Variants in TSKS observed in about 807,000 individuals in gnomAD.
The protein encoded by TSKS is testis-specific serine kinase substrate.
In TSKS, 27 loss-of-function variants were observed where a neutral mutation model predicts 68.0. The ratio of observed to expected loss-of-function variants is 0.40; its 90% CI spans 0.29 to 0.55. TSKS has a LOEUF of 0.55. Among genes scored for constraint, TSKS ranks in the 20% least tolerant of loss-of-function variants. The probability of loss-of-function intolerance (pLI) is 0.53; values close to 1 mark genes in which losing one functional copy is unlikely to be tolerated. For missense variants in TSKS, 806 were observed against 776.0 expected (o/e 1.04, Z -0.46); for synonymous variants, 331 against 340.4 (o/e 0.97, Z 0.30).
chr19:49,745,630 C>G (rs1374762877), intron 6 of TSKS, among the ~76,000 whole-genome samples: 2 of 152,086 alleles, frequency 1.3e-5, no homozygotes, highest in Non-Finnish European at 2.9e-5. Context: ...TTGGCCCTTT[C>G]CTGGTCAGGT....
In TSKS at chr19:49,748,461, G is replaced by T. The variant is rs2084322084; in HGVS notation, c.408C>A (p.Val136=). 6.2e-7 allele frequency: 1 copy of T among 1,614,054 alleles called. No individual in the cohort carries two copies. Among genetic ancestry groups the T allele is most frequent in the South Asian group, 1.1e-5 (1 of 91,058 alleles). The part of the protein sequence containing the change: ...DADITEILSG[V]NSGLVRAKDS... ...CTTTGGCGCGGACCAATCCACTGTTGACCCCACTCTGGGGAAGAATGGGAG... is the reference window on the plus strand; with the variant it reads ...CTTTGGCGCGGACCAATCCACTGTTTACCCCACTCTGGGGAAGAATGGGAG... The change falls in exon 3 of 11, where the codon GTC becomes GTA. Residue 136 remains valine, a synonymous_variant. Coordinates refer to ENST00000246801, the MANE Select transcript of TSKS (RefSeq NM_021733.2).
Position 49,762,143 on chromosome 19 carries a change from A to C in TSKS, c.260T>G (p.Leu87Arg), listed in dbSNP as rs753741841. 7 of 1,614,018 alleles carry C rather than the reference A, an allele frequency of 4.3e-6. No individual in the cohort carries two copies. The highest frequency in any genetic ancestry group is 1.7e-6 in the Non-Finnish European group (2 of 1,180,034). The change falls in exon 2 of 11, where the codon CTG becomes CGG. Residue 87 changes from leucine (L) to arginine (R), a missense_variant. Transcript: ENST00000246801. ...GGAGTCAGTGGGCTCCATGGCGGCC[A>C]GGTTGAGCAGTGACACGTTGGTGCA... ...SACTNVSLLNLAAMEPTDSTG... is the reference protein window; with the variant it reads ...SACTNVSLLNRAAMEPTDSTG...
chr19:49,748,166 G>T lies in TSKS; in HGVS notation c.498C>A (p.Ser166Arg), dbSNP rs760112063. Reference protein sequence around the residue: ...RVNQHVQSLQSECSVLSENLE... With the variant: ...RVNQHVQSLQRECSVLSENLE... ...GATTCTCGCTCAGCACAGAACACTC[G>T]CTCTGGAGCATGGAAGGAGGAGAGG... is the stretch of plus-strand genomic sequence containing the variant. The change falls in exon 4 of 11, where the codon AGC (serine) becomes AGA (arginine). Residue 166 changes from serine (S) to arginine (R), a missense_variant and splice_region_variant. Physicochemically the swap from Ser to Arg is moderately radical, Grantham distance 110 (BLOSUM62 -1). Transcript: ENST00000246801. The T allele has an allele frequency of 2.5e-6, 4 of 1,614,022 alleles. No homozygotes were observed. The South Asian group carries it at 4.4e-5, about 18-fold the overall frequency.
At position 49,744,308 on chromosome 19, in the gene TSKS, A is replaced by G. The variant is rs760803803; in HGVS notation, c.1284T>C (p.Phe428=). 3.1e-6 allele frequency: 5 copies of G among 1,614,002 alleles called. No homozygotes were observed. The highest frequency in any genetic ancestry group is 4.2e-6 in the Non-Finnish European group (5 of 1,179,986). ...GGTCAGGCCCTCTTCGAGAGTTCTG[A>G]AATTGCCGCCCGAACTCCTCCAGAA... is the stretch of plus-strand genomic sequence containing the variant. ...KPILEEFGRQ[F]QNSRRGPDLS... The change falls in exon 8 of 11, where the codon TTT becomes TTC. Residue 428 remains phenylalanine (F), a synonymous_variant. Coordinates refer to ENST00000246801, the MANE Select transcript of TSKS (RefSeq NM_021733.2).
chr19:49,743,664 AT>A (rs546567125), intron 8 of TSKS, among the ~76,000 whole-genome samples: 11 of 146,004 alleles, frequency 7.5e-5, no homozygotes, highest in Admixed American at 1.4e-4. Flanking sequence ...CGCCCAGCTA[AT>A]TTTTTTTTGT....
At chr19:49,762,957 C>A in intron 1 of TSKS, 121 bp downstream of exon 1, 1 of 1,325,866 alleles carries the variant, frequency 7.5e-7, no homozygotes, top group Non-Finnish European at 1.0e-6. Flanking sequence ...GCCCTCTTTC[C>A]TGCCCCCGAC....
At chr19:49,760,739 G>A (rs1164648341) in intron 2 of TSKS, among the ~76,000 whole-genome samples, 1 of 152,000 alleles carries the variant, frequency 6.6e-6, no homozygotes, top group Non-Finnish European at 1.5e-5. Context: ...GCAGTGAGTT[G>A]TGATTGTGCC....
chr19:49,761,598 C>T (rs1308357957), intron 2 of TSKS, among the ~76,000 whole-genome samples: 3 of 152,172 alleles, frequency 2.0e-5, no homozygotes, highest in Non-Finnish European at 4.4e-5. Context: ...TGGGAGCTCC[C>T]CAAGCACAGG....
At position 49,744,301 on chromosome 19, in the gene TSKS, A is replaced by G; in HGVS notation, c.1291T>C (p.Ser431Pro). 6.2e-7 allele frequency: 1 copy of G among 1,613,980 alleles called. No homozygotes were observed. Among genetic ancestry groups the G allele is most frequent in the Non-Finnish European group, 8.5e-7 (1 of 1,180,006 alleles). The change falls in exon 8 of 11, where the codon TCT (serine) becomes CCT (proline). Residue 431 changes from serine to proline, a missense_variant. Ser to Pro is a moderately conservative substitution (Grantham distance 74, BLOSUM62 -1). Coordinates refer to ENST00000246801, the MANE Select transcript of TSKS (RefSeq NM_021733.2). ...ATGGAGAGGTCAGGCCCTCTTCGAG[A>G]GTTCTGAAATTGCCGCCCGAACTCC... ...LEEFGRQFQN[S>P]RRGPDLSMNL...
chr19:49,757,480 G>T (rs546896546), intron 2 of TSKS, among the ~76,000 whole-genome samples: 30 of 152,174 alleles, frequency 2.0e-4, no homozygotes, highest in Non-Finnish European at 4.1e-4. Context: ...GTGGGTAATT[G>T]TTCTGGAAAC....
Position 49,750,508 on chromosome 19 carries a change from C to T in TSKS, c.400-2039G>A, listed in dbSNP as rs559195006. Among the ~76,000 whole-genome samples the T allele has an allele frequency of 1.7e-4, 26 of 152,246 alleles. No homozygotes were observed. The South Asian group carries it at 5.0e-3, about 29-fold the overall frequency. ...TCCTGACCTCGTGATTCACCCACCT[C>T]GGCCTCCCAAAGTGCTGGGATTACA... On this transcript the variant is annotated intron_variant, in intron 2 of 10. Transcript: ENST00000246801.
At chr19:49,744,956 T>G (rs1287754886) in intron 7 of TSKS, among the ~76,000 whole-genome samples, 1 of 152,140 alleles carries the variant, frequency 6.6e-6, no homozygotes, top group Non-Finnish European at 1.5e-5. Context: ...CGGATCCCAC[T>G]TGACCCCACC....
intron 2 of TSKS, among the ~76,000 whole-genome samples, chr19:49,754,435 G>A (rs1316190020): frequency 5.3e-5 from 8 of 151,690 alleles, no homozygotes; most frequent in Admixed American, 5.3e-4. Context: ...GGAGTCAGAG[G>A]TTGCAGTGAG....
chr19:49,759,882 G>A (rs186107913), intron 2 of TSKS, among the ~76,000 whole-genome samples: 164 of 151,920 alleles, frequency 1.1e-3, no homozygotes, highest in South Asian at 7.5e-3. Flanking sequence ...GGCCAGGTGC[G>A]GTGGTTCATG....
chr19:49,753,908 A>C (rs1280757244), intron 2 of TSKS, among the ~76,000 whole-genome samples: 1 of 149,314 alleles, frequency 6.7e-6, no homozygotes, highest in East Asian at 2.0e-4. Flanking sequence ...TTTTTGAGAC[A>C]GAGTCTCCCT....
chr19:49,739,906 A>G lies in TSKS; in HGVS notation c.1649T>C (p.Leu550Pro). 1 of 1,613,798 alleles carries G rather than the reference A, an allele frequency of 6.2e-7. No homozygotes were observed. Among genetic ancestry groups the G allele is most frequent in the Non-Finnish European group, 8.5e-7 (1 of 1,179,810 alleles). Residue 550 changes from leucine (L) to proline (P), a missense_variant, in exon 11 of 11, where the codon CTA becomes CCA. Physicochemically the swap from Leu to Pro is moderately conservative, Grantham distance 98. Transcript: ENST00000246801. The stretch of plus-strand genomic sequence containing the variant: ...GTGGAGGGAGCACATCTTCAAGTGT[A>G]GATGGTCCAGAGTGGCCATCTTCTC... ...PEEKMATLDH[L>P]HLKMCSLHDH...
At chr19:49,741,364 A>G (rs1568559589) in intron 9 of TSKS, among the ~76,000 whole-genome samples, 2 of 152,092 alleles carry the variant, frequency 1.3e-5, no homozygotes. Flanking sequence ...TCAATATCCC[A>G]TAATACAGTG....
intron 8 of TSKS, among the ~76,000 whole-genome samples, chr19:49,743,786 C>T (rs914621055): frequency 2.0e-5 from 3 of 151,762 alleles, no homozygotes; most frequent in African/African-American, 7.3e-5. Context: ...AGGCATGAGC[C>T]ACCGCGCCCA....
chr19:49,740,142 C>G lies in TSKS; in HGVS notation c.1539G>C (p.Glu513Asp). 6.2e-7 allele frequency: 1 copy of G among 1,614,070 alleles called. No homozygotes were observed. Among genetic ancestry groups the G allele is most frequent in the Middle Eastern group, 1.6e-4 (1 of 6,062 alleles). ...CCAGCCGAAGGGTGGAGCTCAGGGCCTCTGCCCTGACGTGTTTGGCTAAGG... is the reference window on the plus strand; with the variant it reads ...CCAGCCGAAGGGTGGAGCTCAGGGCGTCTGCCCTGACGTGTTTGGCTAAGG... ...RQALAKHVRA[E>D]ALSSTLRLAQ... Residue 513 changes from glutamate (E) to aspartate (D), a missense_variant, in exon 10 of 11, where the codon GAG becomes GAC. Transcript: ENST00000246801.
Sources: allele counts gnomAD v4.1 joint callset (sites outside exome capture counted in the v4.1 genomes callset), GRCh38; gene constraint gnomAD v4.1.1; transcripts MANE v1.5; gene names NCBI Gene and HGNC (gene_info 2026-07-23, HGNC 2026-07-21).